The following UNC5CL variants were observed in gnomAD, a reference collection of about 807,000 sequenced individuals.
UNC5CL encodes unc-5 family C-terminal like.
UNC5CL carries 42 observed loss-of-function variants against 54.1 expected under a neutral mutation model. The observed-to-expected ratio is 0.78, with a 90% CI of 0.61 to 1.00. UNC5CL has a LOEUF of 1.00. Among genes scored for constraint, UNC5CL ranks in the 50% least tolerant of loss-of-function variants. UNC5CL has a pLI of 0.00. For missense variants in UNC5CL, 619 were observed against 675.6 expected, an observed-to-expected ratio of 0.92 and a Z score of 0.93; for synonymous variants, 285 against 285.1, an observed-to-expected ratio of 1.00 and a Z score of 0.00.
At chr6:41,031,791 G>C (rs371811415) in intron 5 of UNC5CL, 43 bp from the exon 6 acceptor site, 2 of 1,602,378 alleles carry the variant, frequency 1.2e-6, no homozygotes, top group African/African-American at 1.3e-5. Flanking sequence ...GTGAGGAAAC[G>C]GCCTGGGGTA....
At chr6:41,038,055 G>A (rs1762543342) in intron 1 of UNC5CL, among the ~76,000 whole-genome samples, 1 of 152,180 alleles carries the variant, frequency 6.6e-6, no homozygotes, top group South Asian at 2.1e-4. Context: ...AACAACTGAA[G>A]ACAGGCAGGA....
rs567774853 is a variant in UNC5CL, at chr6:41,027,021, A to C, written c.*1352T>G. Reference sequence around the variant, plus strand: ...AACAACACCTGTTTGCAAACAAAAGAATTTCCAGAATGGAGTCAAACCCTT... The same window carrying C: ...AACAACACCTGTTTGCAAACAAAAGCATTTCCAGAATGGAGTCAAACCCTT... On this transcript the variant is annotated 3_prime_UTR_variant, in exon 9 of 9. Coordinates refer to ENST00000244565, the MANE Select transcript of UNC5CL (RefSeq NM_173561.3). 3.9e-5 allele frequency: 6 copies of C among 152,198 alleles called. No individual in the cohort carries two copies. Among genetic ancestry groups the C allele is most frequent in the African/African-American group, 7.2e-5 (3 of 41,438 alleles). 9.4% of individuals were successfully genotyped at this position (152,198 alleles called of 1,614,324 possible). A position where few individuals can be genotyped will look rare whatever the true frequency, so the allele number is the denominator to read the frequency against.
chr6:41,038,207 A>G (rs1561831594), intron 1 of UNC5CL, among the ~76,000 whole-genome samples: 1 of 152,344 alleles, frequency 6.6e-6, no homozygotes, highest in East Asian at 1.9e-4. Flanking sequence ...AAAGACAAAT[A>G]GAAGGACCTA....
chr6:41,036,402 C>T (rs1000457588), intron 1 of UNC5CL, among the ~76,000 whole-genome samples: 1 of 152,194 alleles, frequency 6.6e-6, no homozygotes, highest in Non-Finnish European at 1.5e-5. Flanking sequence ...GAAGGACACA[C>T]CCCCAAACTA....
chr6:41,033,339 CTGAA>C (rs1762478901), intron 3 of UNC5CL, among the ~76,000 whole-genome samples, 193 bp from the exon 4 acceptor site: 1 of 152,140 alleles, frequency 6.6e-6, no homozygotes, highest in Non-Finnish European at 1.5e-5. Context: ...TGACTGGTGA[CTGAA>C]TGGGGAGGAG....
intron 1 of UNC5CL, among the ~76,000 whole-genome samples, chr6:41,035,648 CTT>C: frequency 6.6e-6 from 1 of 152,326 alleles, no homozygotes; most frequent in Non-Finnish European, 1.5e-5. Context: ...TTTATGTCCA[CTT>C]TTAATTACAT....
In UNC5CL at chr6:41,028,422, C is replaced by G. The variant is rs1156766114; in HGVS notation, c.1508G>C (p.Arg503Pro). 6.2e-7 allele frequency: 1 copy of G among 1,611,260 alleles called. No individual in the cohort carries two copies. Among genetic ancestry groups the G allele is most frequent in the Admixed American group, 1.7e-5 (1 of 59,646 alleles). ...GTHGGSPGPE[R>P]GGARDNQGLE... ...GCCCTGGTTATCCCGGGCGCCCCCG[C>G]GCTCGGGGCCTGGGCTGCCGCCGTG... Residue 503 changes from arginine (R) to proline (P), a missense_variant, in exon 9 of 9, where the codon CGC becomes CCC. Transcript: ENST00000244565. The surrounding 1 kb of genome is among the most constrained non-coding windows in gnomAD (Gnocchi z 4.3).
intron 6 of UNC5CL, among the ~76,000 whole-genome samples, chr6:41,030,972 C>G (rs1467435539): frequency 1.3e-5 from 2 of 152,178 alleles, no homozygotes; most frequent in African/African-American, 2.4e-5. Flanking sequence ...TGCCCCTGAG[C>G]TCTTTGGGAA....
rs1397901049 is a variant in UNC5CL at position 41,028,597 on chromosome 6, T to C, written c.1335-2A>G. ...GGGCTGCGCTGGCAGGACAGGAACC[T>C]GGCCCGAGGTAGGGGAGGAAGAGAA... On this transcript the variant is annotated splice_acceptor_variant, in intron 8 of 8. Coordinates refer to ENST00000244565, the MANE Select transcript of UNC5CL (RefSeq NM_173561.3). LOFTEE classifies it high-confidence loss of function. This position sits in a 1 kb window ranked among gnomAD's most constrained non-coding sequence, Gnocchi z 4.3. The C allele has an allele frequency of 1.2e-6, 2 of 1,612,252 alleles. No homozygotes were observed. Among genetic ancestry groups the C allele is most frequent in the African/African-American group, 1.3e-5 (1 of 74,902 alleles).
intron 5 of UNC5CL, 71 bp downstream of exon 5, chr6:41,031,965 C>T: frequency 4.0e-6 from 6 of 1,513,456 alleles, no homozygotes; most frequent in Middle Eastern, 1.8e-4. Context: ...TCCAGGGTTA[C>T]TGGGAGGGAA....
chr6:41,034,680 G>A lies in UNC5CL; in HGVS notation c.385+10C>T, dbSNP rs1484250581. Reference sequence around the variant, plus strand: ...AACTGTATGCGGAGATGAGAGCCAGGAGCTGTTACCTGGTGGGATGAGCAA... The same window carrying A: ...AACTGTATGCGGAGATGAGAGCCAGAAGCTGTTACCTGGTGGGATGAGCAA... On this transcript the variant is annotated intron_variant, in intron 2 of 8. Transcript: ENST00000244565. The A allele has an allele frequency of 1.3e-6, 2 of 1,598,436 alleles. No homozygotes were observed. The highest frequency in any genetic ancestry group is 1.1e-5 in the South Asian group (1 of 90,924).
At chr6:41,036,639 T>G (rs1186618807) in intron 1 of UNC5CL, among the ~76,000 whole-genome samples, 1 of 152,098 alleles carries the variant, frequency 6.6e-6, no homozygotes, top group Non-Finnish European at 1.5e-5. Context: ...GAGAAAGCAC[T>G]GTCCAAATGT....
intron 1 of UNC5CL, among the ~76,000 whole-genome samples, 151 bp from the exon 2 acceptor site, chr6:41,035,286 G>A (rs1415590546): frequency 1.3e-5 from 2 of 152,166 alleles, no homozygotes; most frequent in Non-Finnish European, 2.9e-5. Flanking sequence ...TCTCTTACTC[G>A]AGAACCTACC....
At chr6:41,031,174 C>T (rs745361446) in intron 6 of UNC5CL, among the ~76,000 whole-genome samples, 4 of 152,158 alleles carry the variant, frequency 2.6e-5, no homozygotes, top group Non-Finnish European at 4.4e-5. Flanking sequence ...TAAGGTGCCA[C>T]TATGGTTCCC....
At chr6:41,031,608 C>G in intron 6 of UNC5CL, 73 bp downstream of exon 6, 1 of 1,443,272 alleles carries the variant, frequency 6.9e-7, no homozygotes, top group Non-Finnish European at 9.8e-7. Context: ...TACTGGGCAC[C>G]AGACCCTGTG....
In UNC5CL at chr6:41,033,113, C is replaced by T. The variant is rs537430655; in HGVS notation, c.720G>A (p.Gly240=). 3 of 1,612,904 alleles carry T rather than the reference C, an allele frequency of 1.9e-6. No homozygotes were observed. The South Asian group carries it at 3.3e-5, about 18-fold the overall frequency. Residue 240 remains glycine (G), a synonymous_variant, in exon 4 of 9, where the codon GGG becomes GGA. Transcript: ENST00000244565. The part of the protein sequence containing the change: ...LYTCVLEAPV[G]REARKWLQLA... The stretch of plus-strand genomic sequence containing the variant: ...GCTGCAGCCATTTGCGGGCTTCGCG[C>T]CCCACAGGTGCCTCCAGCACACAGG...
At position 41,032,137 on chromosome 6, in the gene UNC5CL, C is replaced by T. The variant is rs748755020; in HGVS notation, c.950G>A (p.Gly317Asp). The T allele has an allele frequency of 2.5e-6, 4 of 1,614,048 alleles. No individual in the cohort carries two copies. The highest frequency in any genetic ancestry group is 2.5e-6 in the Non-Finnish European group (3 of 1,179,930). The change falls in exon 5 of 9, where the codon GGT (glycine) becomes GAT (aspartate). Residue 317 changes from glycine (G) to aspartate (D), a missense_variant and splice_region_variant. By Grantham distance (94) the Gly-to-Asp change is moderately conservative. Transcript: ENST00000244565. ...QCLKLTYISE[G>D]WENVDDSSCQ... ...ACTGCTGTCATCCACATTCTCCCAACCTGGTGAGTAGGCAGACAGCAGAGG... is the reference window on the plus strand; with the variant it reads ...ACTGCTGTCATCCACATTCTCCCAATCTGGTGAGTAGGCAGACAGCAGAGG...
In UNC5CL at chr6:41,034,747, G is replaced by C. The variant is rs775613089; in HGVS notation, c.328C>G (p.His110Asp). The C allele has an allele frequency of 6.2e-7, 1 of 1,611,582 alleles. No individual in the cohort carries two copies. The highest frequency in any genetic ancestry group is 8.5e-7 in the Non-Finnish European group (1 of 1,180,016). The change falls in exon 2 of 9, where the codon CAC becomes GAC. Residue 110 changes from histidine (H) to aspartate (D), a missense_variant. By Grantham distance (81) the His-to-Asp change is moderately conservative. Transcript: ENST00000244565. Reference protein sequence around the residue: ...LLVFSAREVDHRGGCLMLQDT... With the variant: ...LLVFSAREVDDRGGCLMLQDT... Reference sequence around the variant, plus strand: ...TGGAGCATCAGGCAACCGCCGCGGTGATCCACCTCTCGAGCCGAAAACACC... The same window carrying C: ...TGGAGCATCAGGCAACCGCCGCGGTCATCCACCTCTCGAGCCGAAAACACC...
In UNC5CL at chr6:41,033,948, T is replaced by TC; in HGVS notation, c.618dup (p.Arg207GlufsTer14). On this transcript the variant is annotated frameshift_variant, in exon 3 of 9. Transcript: ENST00000244565. LOFTEE classifies it high-confidence loss of function. ...TGGGCCCCCGGCCGCCCCAGGGGCC[T>TC]CCATACCTTGGCATCCAGCAGGGTA... is the stretch of plus-strand genomic sequence containing the variant. The TC allele has an allele frequency of 6.2e-7, 1 of 1,614,084 alleles. No individual in the cohort carries two copies. Among genetic ancestry groups the TC allele is most frequent in the Non-Finnish European group, 8.5e-7 (1 of 1,179,964 alleles).
Sources: gnomAD v4.1 joint callset for allele counts (sites outside exome capture counted in the v4.1 genomes callset) on GRCh38, gnomAD v4.1.1 for gene constraint, Gnocchi (gnomAD v3.1) non-coding constraint, MANE v1.5 for transcripts, NCBI Gene and HGNC (gene_info 2026-07-23, HGNC 2026-07-21) for gene names.